MOB3B: variants seen among roughly 807,000 people sequenced by gnomAD.
MOB3B encodes MOB kinase activator 3B.
A neutral mutation model predicts 18.7 loss-of-function variants in MOB3B; 7 were observed. The observed-to-expected ratio is 0.37, with a 90% CI of 0.21 to 0.70. The LOEUF (loss-of-function observed/expected upper bound fraction) is 0.70, where lower values mean the gene tolerates loss of function less well. Among genes scored for constraint, MOB3B ranks in the 30% least tolerant of loss-of-function variants. MOB3B has a pLI of 0.52. For missense variants in MOB3B, 253 were observed against 281.3 expected (o/e 0.90, Z 0.72); for synonymous variants, 111 against 99.9 (o/e 1.11, Z -0.66).
At chr9:27,405,623 T>C (rs938647623) in intron 2 of MOB3B, among the ~76,000 whole-genome samples, 1 of 152,142 alleles carries the variant, frequency 6.6e-6, no homozygotes, top group Admixed American at 6.5e-5. Context: ...TAGTTGCCTG[T>C]ATTTTTGAGG....
At chr9:27,486,696 G>A (rs749743962) in intron 1 of MOB3B, among the ~76,000 whole-genome samples, 1 of 152,194 alleles carries the variant, frequency 6.6e-6, no homozygotes, top group South Asian at 2.1e-4. Context: ...ATCCACCCAG[G>A]CTAGTGTGAC....
intron 2 of MOB3B, among the ~76,000 whole-genome samples, chr9:27,389,773 C>G (rs1821698647): frequency 6.6e-6 from 1 of 152,052 alleles, no homozygotes; most frequent in South Asian, 2.1e-4. Context: ...TGAATTAGCA[C>G]TTTTAAGTCA....
At chr9:27,359,000 G>A (rs1821233203) in intron 3 of MOB3B, 34 bp downstream of exon 3, 3 of 1,604,900 alleles carry the variant, frequency 1.9e-6, no homozygotes, top group African/African-American at 1.3e-5. Flanking sequence ...CTCCTGGGGT[G>A]ACTTGGATAC....
At chr9:27,385,076 G>A (rs545676662) in intron 2 of MOB3B, among the ~76,000 whole-genome samples, 3 of 152,290 alleles carry the variant, frequency 2.0e-5, no homozygotes, top group South Asian at 2.1e-4. Flanking sequence ...TTTAATTATC[G>A]TTGCATGGCC....
intron 1 of MOB3B, among the ~76,000 whole-genome samples, chr9:27,471,515 GA>G (rs1471018021): frequency 6.6e-6 from 1 of 152,082 alleles, no homozygotes; most frequent in Non-Finnish European, 1.5e-5. Flanking sequence ...CAGACTGCCC[GA>G]TTTTGACTCC....
rs536641440 is a variant in MOB3B at position 27,334,985 on chromosome 9, G to A, written c.622-4369C>T. The stretch of plus-strand genomic sequence containing the variant: ...ACTACAGATGCCCGCCACCACGCCC[G>A]GCTAATTTTTTGTATTTTTAGTAGT... On this transcript the variant is annotated intron_variant, in intron 3 of 3. Coordinates refer to ENST00000262244, the MANE Select transcript of MOB3B (RefSeq NM_024761.5). Among the ~76,000 whole-genome samples, 4 of 152,192 alleles carry A rather than the reference G, an allele frequency of 2.6e-5. No individual in the cohort carries two copies. In the South Asian group the frequency reaches 8.3e-4, roughly 32 times the overall value.
At chr9:27,403,516 A>AT (rs74178385) in intron 2 of MOB3B, among the ~76,000 whole-genome samples, 15,425 of 79,154 alleles carry the variant, frequency 0.19, 2,225 homozygotes, top group Non-Finnish European at 0.27. Flanking sequence ...CTCTTTACTA[A>AT]TTTTTTTTTT....
chr9:27,364,998 G>C (rs574003274), intron 2 of MOB3B, among the ~76,000 whole-genome samples: 70 of 152,200 alleles, frequency 4.6e-4, no homozygotes, highest in African/African-American at 1.6e-3. Flanking sequence ...TTATATTGCT[G>C]TAAGTTCTCT....
intron 1 of MOB3B, among the ~76,000 whole-genome samples, chr9:27,518,307 A>T (rs1039354058): frequency 6.6e-6 from 1 of 152,174 alleles, no homozygotes; most frequent in African/African-American, 2.4e-5. Context: ...CCACTCTTGG[A>T]TGTGATCTAG....
chr9:27,417,092 A>G (rs938943573), intron 2 of MOB3B, among the ~76,000 whole-genome samples: 2 of 152,176 alleles, frequency 1.3e-5, no homozygotes, highest in South Asian at 4.1e-4. Flanking sequence ...GGCAGGGTGC[A>G]GTGGCTCACG....
chr9:27,413,712 A>T (rs942747140), intron 2 of MOB3B, among the ~76,000 whole-genome samples: 4 of 152,236 alleles, frequency 2.6e-5, no homozygotes, highest in Admixed American at 6.5e-5. Flanking sequence ...AAGTGAAAGC[A>T]ATAGGATTTG....
chr9:27,459,813 T>G (rs1271397257), intron 1 of MOB3B, among the ~76,000 whole-genome samples: 1 of 148,426 alleles, frequency 6.7e-6, no homozygotes, highest in Non-Finnish European at 1.5e-5. Context: ...AAGGTTTCTT[T>G]GGCTGAATAA....
chr9:27,381,209 GA>G (rs1350561846), intron 2 of MOB3B, among the ~76,000 whole-genome samples: 1 of 152,058 alleles, frequency 6.6e-6, no homozygotes, highest in Non-Finnish European at 1.5e-5. Flanking sequence ...AATTACACTT[GA>G]CAAAATTAAA....
intron 3 of MOB3B, among the ~76,000 whole-genome samples, chr9:27,357,443 C>A (rs1271484918): frequency 6.6e-6 from 1 of 151,748 alleles, no homozygotes; most frequent in Admixed American, 6.6e-5. Flanking sequence ...ACCCCAAATA[C>A]CTCCTCCATC....
At chr9:27,357,748 T>C (rs1362290346) in intron 3 of MOB3B, among the ~76,000 whole-genome samples, 1 of 151,642 alleles carries the variant, frequency 6.6e-6, no homozygotes, top group Non-Finnish European at 1.5e-5. Flanking sequence ...AGCTTTACCA[T>C]ACCTAAATAA....
intron 3 of MOB3B, among the ~76,000 whole-genome samples, chr9:27,334,268 T>C (rs951324565): frequency 6.6e-6 from 1 of 152,232 alleles, no homozygotes; most frequent in African/African-American, 2.4e-5. Context: ...CAATTGTGTA[T>C]GTTTTCTGTT....
intron 2 of MOB3B, among the ~76,000 whole-genome samples, chr9:27,370,982 A>G (rs966745421): frequency 6.6e-6 from 1 of 152,126 alleles, no homozygotes; most frequent in Non-Finnish European, 1.5e-5. Context: ...TTATCTCTTC[A>G]CACCTTGCAG....
chr9:27,433,447 T>C (rs1243657192), intron 2 of MOB3B, among the ~76,000 whole-genome samples: 2 of 152,150 alleles, frequency 1.3e-5, no homozygotes, highest in South Asian at 4.1e-4. Flanking sequence ...GTTTAGTAGA[T>C]TTGAGGGTGC....
chr9:27,528,860 C>T (rs1339702697), intron 1 of MOB3B, among the ~76,000 whole-genome samples: 2 of 152,142 alleles, frequency 1.3e-5, no homozygotes, highest in South Asian at 4.1e-4. Flanking sequence ...CAGCAGGGGT[C>T]TGAAGGTGGG....
Sources: allele counts gnomAD v4.1 joint callset (sites outside exome capture counted in the v4.1 genomes callset), GRCh38; gene constraint gnomAD v4.1.1; transcripts MANE v1.5; gene names NCBI Gene and HGNC (gene_info 2026-07-23, HGNC 2026-07-21).